CSMD1: variants seen among roughly 807,000 people sequenced by gnomAD.
CSMD1 encodes CUB and sushi domain-containing protein 1.
In CSMD1, 213 loss-of-function variants were observed where a neutral mutation model predicts 417.5. The ratio of observed to expected loss-of-function variants is 0.51; its 90% CI spans 0.46 to 0.57. The LOEUF is 0.57. CSMD1 is among the 20% of genes least tolerant of loss of function. CSMD1 has a pLI of 0.00. For synonymous variants in CSMD1, 2,862 were observed against 1,736.8 expected (o/e 1.65, Z -16.11); for missense variants, 6,923 against 4,529.7 (o/e 1.53, Z -15.17).
intron 1 of CSMD1, among the ~76,000 whole-genome samples, chr8:4,774,005 G>A (rs186307239): frequency 6.6e-6 from 1 of 152,190 alleles, no homozygotes; most frequent in East Asian, 1.9e-4. Context: ...AGACCAGCCT[G>A]GCCAACATGG....
At chr8:3,839,134 GAT>G (rs1273048328) in intron 5 of CSMD1, among the ~76,000 whole-genome samples, 1 of 122,130 alleles carries the variant, frequency 8.2e-6, no homozygotes, top group African/African-American at 3.1e-5. Context: ...ACTCTCTCTA[GAT>G]ATATATAGTC....
chr8:4,325,352 G>A (rs1328484664), intron 3 of CSMD1, among the ~76,000 whole-genome samples: 1 of 152,102 alleles, frequency 6.6e-6, no homozygotes, highest in Non-Finnish European at 1.5e-5. Context: ...TCTTGTCTAG[G>A]AAGTCTTAGA....
intron 3 of CSMD1, among the ~76,000 whole-genome samples, chr8:4,246,175 A>G (rs76622329): frequency 3.3e-5 from 5 of 152,150 alleles, no homozygotes; most frequent in East Asian, 1.9e-4. Flanking sequence ...CTTTCTTCCA[A>G]TATTCCATCC....
chr8:4,063,005 G>C (rs1211251545), intron 3 of CSMD1, among the ~76,000 whole-genome samples: 4 of 152,224 alleles, frequency 2.6e-5, no homozygotes, highest in African/African-American at 9.6e-5. Flanking sequence ...CACTTATTAA[G>C]AGATACTGTT....
At chr8:3,388,631 G>A (rs1811154432) in intron 17 of CSMD1, among the ~76,000 whole-genome samples, 1 of 152,126 alleles carries the variant, frequency 6.6e-6, no homozygotes, top group Non-Finnish European at 1.5e-5. Flanking sequence ...TCCAAAATTT[G>A]AGTGCTATAA....
At chr8:4,125,306 T>C (rs903452170) in intron 3 of CSMD1, among the ~76,000 whole-genome samples, 1 of 152,206 alleles carries the variant, frequency 6.6e-6, no homozygotes, top group Non-Finnish European at 1.5e-5. Context: ...CTGGCTTCTT[T>C]GGAAAAGCTA....
intron 5 of CSMD1, among the ~76,000 whole-genome samples, chr8:3,932,932 C>A (rs74355027): frequency 0.016 from 2,330 of 149,754 alleles, 126 homozygotes; most frequent in Non-Finnish European, 0.022. Flanking sequence ...GTAACTAAAT[C>A]TTTTTTAAAA....
chr8:3,305,481 TATC>T (rs1276710923), intron 25 of CSMD1, among the ~76,000 whole-genome samples: 3 of 150,992 alleles, frequency 2.0e-5, no homozygotes, highest in African/African-American at 4.8e-5. Context: ...TTAATGCTGT[TATC>T]ATGGGAGTGG....
At chr8:4,281,509 A>G (rs1290488053) in intron 3 of CSMD1, among the ~76,000 whole-genome samples, 1 of 152,242 alleles carries the variant, frequency 6.6e-6, no homozygotes, top group African/African-American at 2.4e-5. Flanking sequence ...TTACTGAAAT[A>G]TCTTATGCAT....
chr8:4,139,948 G>C lies in CSMD1; in HGVS notation c.416-107849C>G, dbSNP rs575957411. 4.8e-5 allele frequency among the ~76,000 whole-genome samples: 7 copies of C among 144,862 alleles called. 1 individual carries two copies. Among genetic ancestry groups the C allele is most frequent in the African/African-American group, 1.8e-4 (7 of 39,662 alleles). On this transcript the variant is annotated intron_variant, in intron 3 of 69. Transcript: ENST00000635120. ...TGGATAAAAGGAAGTGTGGATGGCA[G>C]CAAGGGCAGGTGAAACTATGTTTAT...
intron 23 of CSMD1, among the ~76,000 whole-genome samples, chr8:3,317,128 G>T (rs959077952): frequency 1.5e-4 from 23 of 152,236 alleles, no homozygotes; most frequent in Middle Eastern, 3.4e-3. Context: ...GCAGCTCATG[G>T]GAGAGGTGAG....
intron 3 of CSMD1, among the ~76,000 whole-genome samples, chr8:4,099,754 C>A (rs757608540): frequency 6.6e-6 from 1 of 152,162 alleles, no homozygotes; most frequent in Non-Finnish European, 1.5e-5. Context: ...AGAACCTCTT[C>A]CTGAGTTAAT....
intron 1 of CSMD1, among the ~76,000 whole-genome samples, chr8:4,718,278 T>C (rs755791922): frequency 6.6e-6 from 1 of 152,206 alleles, no homozygotes; most frequent in Non-Finnish European, 1.5e-5. Context: ...TGCTAAACCA[T>C]ACAAATCTAT....
At position 2,981,634 on chromosome 8, in the gene CSMD1, A is replaced by T. The variant is rs1490906133; in HGVS notation, c.8378-2834T>A. Among the ~76,000 whole-genome samples the T allele has an allele frequency of 2.0e-5, 3 of 152,116 alleles. No individual in the cohort carries two copies. In the East Asian group the frequency reaches 5.8e-4, roughly 29 times the overall value. Reference sequence around the variant, plus strand: ...CTGATGTCTTATATACATACAGCTCAGCGTGGATTTTGTCAGCTGGAAGGA... The same window carrying T: ...CTGATGTCTTATATACATACAGCTCTGCGTGGATTTTGTCAGCTGGAAGGA... On this transcript the variant is annotated intron_variant, in intron 54 of 69. Transcript: ENST00000635120.
chr8:4,301,835 G>C (rs527393170), intron 3 of CSMD1, among the ~76,000 whole-genome samples: 6 of 152,152 alleles, frequency 3.9e-5, no homozygotes, highest in African/African-American at 9.6e-5. Context: ...TTTTCAGAAA[G>C]CATCGGTGAT....
chr8:3,952,914 G>A (rs971215281), intron 5 of CSMD1, among the ~76,000 whole-genome samples: 1 of 152,148 alleles, frequency 6.6e-6, no homozygotes, highest in African/African-American at 2.4e-5. Flanking sequence ...GCTGTATTGA[G>A]TGCAATTTAT....
At chr8:4,011,498 T>G (rs983389354) in intron 4 of CSMD1, among the ~76,000 whole-genome samples, 8 of 152,038 alleles carry the variant, frequency 5.3e-5, no homozygotes, top group African/African-American at 1.7e-4. Context: ...TTGAACCCAC[T>G]TGAGTCAGAG....
At chr8:4,068,773 AG>A (rs1405109991) in intron 3 of CSMD1, among the ~76,000 whole-genome samples, 8 of 152,246 alleles carry the variant, frequency 5.3e-5, no homozygotes, top group African/African-American at 1.9e-4. Flanking sequence ...TTTTCTGAAC[AG>A]ATTAGAATAT....
rs79368511 is a variant in CSMD1 at position 4,755,788 on chromosome 8, C to G, written c.86-118230G>C. Among the ~76,000 whole-genome samples the G allele has an allele frequency of 2.1e-3, 316 of 152,250 alleles. 7 individuals carry two copies. The East Asian group carries it at 0.051, about 25-fold the overall frequency. ...TCCCTCCAAAATGTCTTCATGAACG[C>G]TATTTTTTCCATTCTTAACGACACT... is the stretch of plus-strand genomic sequence containing the variant. On this transcript the variant is annotated intron_variant, in intron 1 of 69. Transcript: ENST00000635120.
Sources: gnomAD v4.1 joint callset for allele counts (sites outside exome capture counted in the v4.1 genomes callset) on GRCh38, gnomAD v4.1.1 for gene constraint, MANE v1.5 for transcripts, NCBI Gene and HGNC (gene_info 2026-07-23, HGNC 2026-07-21) for gene names.